CADPS2: variants seen among roughly 807,000 people sequenced by gnomAD.
CADPS2 encodes calcium-dependent secretion activator 2.
A neutral mutation model predicts 172.5 loss-of-function variants in CADPS2; 93 were observed. The observed-to-expected ratio is 0.54, with a 90% CI of 0.46 to 0.64. The LOEUF is 0.64. CADPS2 is among the 30% of genes least tolerant of loss of function. CADPS2 has a pLI of 0.00. For synonymous variants in CADPS2, 546 were observed against 555.2 expected (o/e 0.98, Z 0.23); for missense variants, 1,420 against 1,565.9 (o/e 0.91, Z 1.57).
chr7:122,529,200 T>G (rs2061544661), intron 8 of CADPS2, among the ~76,000 whole-genome samples: 1 of 151,934 alleles, frequency 6.6e-6, no homozygotes, highest in South Asian at 2.1e-4. Flanking sequence ...TACGGCACAT[T>G]TCAGCACAGG....
intron 7 of CADPS2, among the ~76,000 whole-genome samples, chr7:122,566,355 C>A (rs2066471681): frequency 6.6e-6 from 1 of 152,064 alleles, no homozygotes; most frequent in Non-Finnish European, 1.5e-5. Flanking sequence ...AAACAGTATG[C>A]AGGTTCCTCA....
intron 8 of CADPS2, among the ~76,000 whole-genome samples, chr7:122,538,406 A>T (rs906780071): frequency 3.6e-5 from 5 of 139,956 alleles, no homozygotes; most frequent in South Asian, 2.2e-4. Context: ...AATTAGTTTA[A>T]AAAAAAAAAA....
At chr7:122,361,039 T>C in intron 25 of CADPS2, 26 bp from the exon 26 acceptor site, 1 of 1,577,442 alleles carries the variant, frequency 6.3e-7, no homozygotes, top group Non-Finnish European at 8.7e-7. Context: ...AGTGAGTATT[T>C]AGAATGTTAC....
At chr7:122,645,401 G>A (rs2078292423) in intron 3 of CADPS2, among the ~76,000 whole-genome samples, 1 of 76,394 alleles carries the variant, frequency 1.3e-5, no homozygotes, top group Admixed American at 1.4e-4. Context: ...GTGTATATAT[G>A]TACATATACA....
At chr7:122,488,868 G>A (rs1253230873) in intron 11 of CADPS2, among the ~76,000 whole-genome samples, 1 of 152,128 alleles carries the variant, frequency 6.6e-6, no homozygotes, top group Non-Finnish European at 1.5e-5. Flanking sequence ...TTACACTTCT[G>A]TACACCTTAG....
At chr7:122,560,755 G>A (rs573472998) in intron 7 of CADPS2, among the ~76,000 whole-genome samples, 2 of 152,288 alleles carry the variant, frequency 1.3e-5, no homozygotes, top group South Asian at 4.1e-4. Flanking sequence ...TCAATTGACA[G>A]AGATTTTATA....
chr7:122,709,320 T>C (rs1284151483), intron 2 of CADPS2, among the ~76,000 whole-genome samples: 3 of 152,130 alleles, frequency 2.0e-5, no homozygotes, highest in Non-Finnish European at 2.9e-5. Context: ...TCATCATCAC[T>C]GGCCATCAGA....
chr7:122,624,008 T>C (rs1482840804), intron 4 of CADPS2, among the ~76,000 whole-genome samples: 4 of 152,216 alleles, frequency 2.6e-5, no homozygotes, highest in Non-Finnish European at 4.4e-5. Flanking sequence ...ATCTCCAAAA[T>C]TGGCTCTTTT....
At position 122,879,946 on chromosome 7, in the gene CADPS2, A is replaced by C. The variant is rs144522583; in HGVS notation, c.339+6053T>G. Among the ~76,000 whole-genome samples, 723 of 152,262 alleles carry C rather than the reference A, an allele frequency of 4.7e-3. 6 individuals carry two copies. The highest frequency in any genetic ancestry group is 0.017 in the African/African-American group (688 of 41,570). On this transcript the variant is annotated intron_variant, in intron 1 of 29. Transcript: ENST00000449022. ...TAATTTTGGACATAGCAGAACTTAAACAAGTCATTTTAATTAATAAACAAG... is the reference window on the plus strand; with the variant it reads ...TAATTTTGGACATAGCAGAACTTAACCAAGTCATTTTAATTAATAAACAAG...
intron 2 of CADPS2, among the ~76,000 whole-genome samples, chr7:122,665,030 G>A (rs2081042949): frequency 6.6e-6 from 1 of 150,694 alleles, no homozygotes; most frequent in Non-Finnish European, 1.5e-5. Flanking sequence ...AAACTCCTAG[G>A]CTCAGGCAAT....
At chr7:122,809,752 C>T (rs1232466369) in intron 1 of CADPS2, among the ~76,000 whole-genome samples, 2 of 152,102 alleles carry the variant, frequency 1.3e-5, no homozygotes, top group South Asian at 2.1e-4. Context: ...TTGTTATTCT[C>T]GGGATATACA....
At chr7:122,336,731 C>A (rs2035914538) in intron 28 of CADPS2, among the ~76,000 whole-genome samples, 1 of 152,166 alleles carries the variant, frequency 6.6e-6, no homozygotes, top group African/African-American at 2.4e-5. Context: ...AGAAAAATTT[C>A]TCCACGAAAA....
At chr7:122,634,902 T>C (rs2076917781) in intron 3 of CADPS2, among the ~76,000 whole-genome samples, 1 of 152,172 alleles carries the variant, frequency 6.6e-6, no homozygotes. Flanking sequence ...CTTAATTTCA[T>C]TGCTCACCCA....
In CADPS2 at chr7:122,753,166, G is replaced by T. The variant is rs988759174; in HGVS notation, c.340-16098C>A. Among the ~76,000 whole-genome samples, 5 of 152,200 alleles carry T rather than the reference G, an allele frequency of 3.3e-5. No homozygotes were observed. In the South Asian group the frequency reaches 8.3e-4, roughly 25 times the overall value. ...GCTCACATCTTACAAGCACATTTTTGAATTAAAATCTAGTAGGGTATAATT... is the reference window on the plus strand; with the variant it reads ...GCTCACATCTTACAAGCACATTTTTTAATTAAAATCTAGTAGGGTATAATT... On this transcript the variant is annotated intron_variant, in intron 1 of 29. Coordinates refer to ENST00000449022, the MANE Select transcript of CADPS2 (RefSeq NM_017954.11).
intron 2 of CADPS2, chr7:122,698,466 AACG>A: frequency 6.2e-7 from 1 of 1,613,918 alleles, no homozygotes. Flanking sequence ...TCATAACCAC[AACG>A]ACATCTTCAA....
chr7:122,403,029 TC>T (rs891627688), intron 20 of CADPS2, among the ~76,000 whole-genome samples: 5 of 152,192 alleles, frequency 3.3e-5, no homozygotes, highest in Admixed American at 2.0e-4. Flanking sequence ...CCCATAGTTT[TC>T]CAAAAGGACA....
intron 28 of CADPS2, among the ~76,000 whole-genome samples, chr7:122,334,656 A>C (rs2035563551): frequency 6.6e-6 from 1 of 152,212 alleles, no homozygotes; most frequent in Non-Finnish European, 1.5e-5. Flanking sequence ...TGTTGGCTCT[A>C]AACCTTTAGC....
intron 1 of CADPS2, among the ~76,000 whole-genome samples, chr7:122,866,751 C>T: frequency 6.6e-6 from 1 of 152,258 alleles, no homozygotes; most frequent in African/African-American, 2.4e-5. Flanking sequence ...GTGGCACTGT[C>T]TATTCTCAGA....
At chr7:122,762,016 AT>A (rs1462240678) in intron 1 of CADPS2, among the ~76,000 whole-genome samples, 6 of 49,348 alleles carry the variant, frequency 1.2e-4, no homozygotes, top group East Asian at 1.1e-3. Flanking sequence ...AAAAAAAAAT[AT>A]ATATATATAT....
Sources: allele counts gnomAD v4.1 joint callset (sites outside exome capture counted in the v4.1 genomes callset), GRCh38; gene constraint gnomAD v4.1.1; transcripts MANE v1.5; gene names NCBI Gene and HGNC (gene_info 2026-07-23, HGNC 2026-07-21).